Variants in CDH20 observed in about 807,000 individuals in gnomAD.
CDH20 encodes cadherin 20.
Under a neutral mutation model 74.2 loss-of-function variants are expected in CDH20, and 29 were observed. The ratio of observed to expected loss-of-function variants is 0.39; its 90% CI spans 0.29 to 0.53. The LOEUF (loss-of-function observed/expected upper bound fraction) is 0.53. Among genes scored for constraint, CDH20 ranks in the 20% least tolerant of loss-of-function variants. The probability of loss-of-function intolerance (pLI) is 0.69; values close to 1 mark genes in which losing one functional copy is unlikely to be tolerated. For synonymous variants in CDH20, 469 were observed against 405.4 expected (o/e 1.16, Z -1.88); for missense variants, 988 against 1,048.3 (o/e 0.94, Z 0.79).
intron 8 of CDH20, among the ~76,000 whole-genome samples, chr18:61,538,578 C>CTTTGTTTTTTTTTTTTTTTTTT (rs1555684264): frequency 2.9e-5 from 1 of 34,994 alleles, no homozygotes; most frequent in Non-Finnish European, 7.6e-5. Context: ...TAAATAACTA[C>CTTTGTTTTTTTTTTTTTTTTTT]TTTTTGTTTG....
intron 11 of CDH20, among the ~76,000 whole-genome samples, chr18:61,552,950 C>A (rs1055032469): frequency 2.6e-5 from 4 of 152,166 alleles, no homozygotes; most frequent in African/African-American, 9.7e-5. Context: ...AGGAATCCCA[C>A]CCTCCTTTCA....
chr18:61,453,096 T>C (rs570946314), intron 1 of CDH20, among the ~76,000 whole-genome samples: 7 of 152,208 alleles, frequency 4.6e-5, no homozygotes, highest in East Asian at 1.9e-4. Flanking sequence ...ATAGTCCAGA[T>C]ACAAAACATT....
intron 1 of CDH20, among the ~76,000 whole-genome samples, chr18:61,411,480 A>G (rs1912501205): frequency 6.6e-6 from 1 of 152,128 alleles, no homozygotes; most frequent in African/African-American, 2.4e-5. Context: ...CACAATTCGC[A>G]ATTGCAAAAA....
At position 61,490,719 on chromosome 18, in the gene CDH20, C is replaced by T. The variant is rs747362784; in HGVS notation, c.166C>T (p.Arg56Trp). ...LLSDKPQSHQRTKRSWVWNQF... is the reference protein window; with the variant it reads ...LLSDKPQSHQWTKRSWVWNQF... ...GTCAGACAAGCCACAGTCACATCAG[C>T]GGACCAAGAGGAGCTGGGTTTGGAA... The change falls in exon 2 of 12, where the codon CGG becomes TGG. Residue 56 changes from arginine (R) to tryptophan (W), a missense_variant. This residue lies in a region of CDH20 where 613 missense variants were observed against 755.2 expected (regional missense o/e 0.81). Transcript: ENST00000262717. 3.7e-6 allele frequency: 6 copies of T among 1,613,998 alleles called. No homozygotes were observed. Among genetic ancestry groups the T allele is most frequent in the African/African-American group, 2.7e-5 (2 of 74,910 alleles).
In CDH20 at chr18:61,490,666, C is replaced by T; in HGVS notation, c.113C>T (p.Thr38Ile). ...ACCACCGTTCTCTCGGACACCCCAA[C>T]ACCACAAGGTGAATTAGAAGCACTC... is the stretch of plus-strand genomic sequence containing the variant. Reference protein sequence around the residue: ...LTTTVLSDTPTPQGELEALLS... With the variant: ...LTTTVLSDTPIPQGELEALLS... The change falls in exon 2 of 12, where the codon ACA becomes ATA. Residue 38 changes from threonine (T) to isoleucine (I), a missense_variant. By Grantham distance (89) the Thr-to-Ile change is moderately conservative. Coordinates refer to ENST00000262717, the MANE Select transcript of CDH20 (RefSeq NM_031891.4). The T allele has an allele frequency of 1.2e-6, 2 of 1,614,100 alleles. No homozygotes were observed. Among genetic ancestry groups the T allele is most frequent in the Non-Finnish European group, 1.7e-6 (2 of 1,180,050 alleles).
chr18:61,545,245 A>G, intron 10 of CDH20, 101 bp downstream of exon 10: 1 of 778,266 alleles, frequency 1.3e-6, no homozygotes, highest in Non-Finnish European at 2.3e-6. Flanking sequence ...TACCTGTTCC[A>G]TACCAGCAGG....
At chr18:61,443,628 G>T (rs1168644402) in intron 1 of CDH20, among the ~76,000 whole-genome samples, 3 of 152,076 alleles carry the variant, frequency 2.0e-5, no homozygotes, top group Non-Finnish European at 2.9e-5. Context: ...ACAAAAGAAT[G>T]CAAATCAGCT....
chr18:61,528,347 G>T, intron 7 of CDH20, 127 bp downstream of exon 7: 71 of 887,902 alleles, frequency 8.0e-5, no homozygotes, highest in South Asian at 1.7e-4. Context: ...TCCTCTTTGA[G>T]TTTTTTGTGT....
At chr18:61,550,623 A>G (rs1913400591) in intron 11 of CDH20, among the ~76,000 whole-genome samples, 1 of 152,226 alleles carries the variant, frequency 6.6e-6, no homozygotes, top group African/African-American at 2.4e-5. Context: ...TTTAAGTAGT[A>G]GCTAAGTCAC....
Position 61,528,481 on chromosome 18 carries a change from A to ACACACACACACACC in CDH20, c.1271+262_1271+263insACACACACACACCC, listed in dbSNP as rs755504850. On this transcript the variant is annotated intron_variant, in intron 7 of 11. Coordinates refer to ENST00000262717, the MANE Select transcript of CDH20 (RefSeq NM_031891.4). ...CACACACACACACACACACACACAC[A>ACACACACACACACC]CCCCTTAGTTCTCAATCATGGTCCT... is the stretch of plus-strand genomic sequence containing the variant. Among the ~76,000 whole-genome samples the ACACACACACACACC allele has an allele frequency of 1.8e-3, 267 of 149,298 alleles. 1 individual carries two copies. Among genetic ancestry groups the ACACACACACACACC allele is most frequent in the South Asian group, 7.5e-3 (35 of 4,666 alleles).
intron 1 of CDH20, among the ~76,000 whole-genome samples, chr18:61,367,136 A>C (rs1348332696): frequency 1.3e-5 from 2 of 152,174 alleles, no homozygotes. Flanking sequence ...ATTTCCTCTC[A>C]TGTAAAGGGA....
intron 1 of CDH20, among the ~76,000 whole-genome samples, chr18:61,431,669 AT>A (rs33949756): frequency 0.56 from 84,967 of 151,932 alleles, 23,960 homozygotes; most frequent in Admixed American, 0.63. Flanking sequence ...TAGCCCTATT[AT>A]TTTTTACAAT....
chr18:61,374,333 T>G (rs995396834), intron 1 of CDH20, among the ~76,000 whole-genome samples: 40 of 152,062 alleles, frequency 2.6e-4, no homozygotes, highest in Admixed American at 5.9e-4. Flanking sequence ...CTTCCCCAAA[T>G]GAGGGGAAAT....
chr18:61,547,829 G>A (rs528459644), intron 10 of CDH20, among the ~76,000 whole-genome samples: 1 of 151,886 alleles, frequency 6.6e-6, no homozygotes, highest in South Asian at 2.1e-4. Flanking sequence ...TTTCCAAGTG[G>A]CTACTATATG....
At chr18:61,420,704 T>A (rs1004951673) in intron 1 of CDH20, among the ~76,000 whole-genome samples, 1 of 152,144 alleles carries the variant, frequency 6.6e-6, no homozygotes, top group Non-Finnish European at 1.5e-5. Context: ...GGAATTGCAA[T>A]GCTCAGGCTG....
intron 1 of CDH20, among the ~76,000 whole-genome samples, chr18:61,392,019 C>T (rs1911801411): frequency 6.6e-6 from 1 of 152,120 alleles, no homozygotes; most frequent in African/African-American, 2.4e-5. Context: ...GAAAGTCCTA[C>T]AATGCTAGCC....
Position 61,555,028 on chromosome 18 carries a change from C to G in CDH20, c.*333C>G. The G allele has an allele frequency of 4.4e-6, 5 of 1,145,174 alleles. No homozygotes were observed. The highest frequency in any genetic ancestry group is 5.4e-6 in the Non-Finnish European group (5 of 929,384). The allele number at this position is 1,145,174 out of a possible 1,614,324, so 70.9% of individuals were successfully genotyped here. A position where few individuals can be genotyped will look rare whatever the true frequency, so the allele number is the denominator to read the frequency against. Reference sequence around the variant, plus strand: ...CGCTAAGGCCTTTGTCACTTTTCCACCACAGAAAGGCTCTGGCCTTGGATA... The same window carrying G: ...CGCTAAGGCCTTTGTCACTTTTCCAGCACAGAAAGGCTCTGGCCTTGGATA... On this transcript the variant is annotated 3_prime_UTR_variant, in exon 12 of 12. Transcript: ENST00000262717.
chr18:61,517,197 G>T (rs1011031947), intron 6 of CDH20, among the ~76,000 whole-genome samples: 1 of 152,190 alleles, frequency 6.6e-6, no homozygotes, highest in Non-Finnish European at 1.5e-5. Context: ...ATTGGACAAA[G>T]ATGTATTCCA....
At chr18:61,536,391 G>C in intron 7 of CDH20, 102 bp from the exon 8 acceptor site, 1 of 906,236 alleles carries the variant, frequency 1.1e-6, no homozygotes. Flanking sequence ...CTCAGAAGTG[G>C]TGGAACCATG....
Sources: gnomAD v4.1 joint callset for allele counts (sites outside exome capture counted in the v4.1 genomes callset) on GRCh38, gnomAD v4.1.1 for gene constraint, gnomAD v4.1.1 regional missense constraint, MANE v1.5 for transcripts, NCBI Gene and HGNC (gene_info 2026-07-23, HGNC 2026-07-21) for gene names.